PSAP: variants seen among roughly 807,000 people sequenced by gnomAD.
PSAP encodes the protein precursor of saposins.
In PSAP, 25 loss-of-function variants were observed where a neutral mutation model predicts 66.0. The observed-to-expected ratio is 0.38, with a 90% CI of 0.28 to 0.53. The LOEUF (loss-of-function observed/expected upper bound fraction) is 0.53, where lower values mean the gene tolerates loss of function less well. PSAP is among the 20% of genes least tolerant of loss of function. PSAP has a pLI of 0.83. For missense variants in PSAP, 649 were observed against 668.8 expected, an observed-to-expected ratio of 0.97 and a Z score of 0.33; for synonymous variants, 273 against 258.9, an observed-to-expected ratio of 1.05 and a Z score of -0.52.
At chr10:71,845,824 G>A (rs747533699) in intron 1 of PSAP, among the ~76,000 whole-genome samples, 11 of 152,180 alleles carry the variant, frequency 7.2e-5, no homozygotes, top group Non-Finnish European at 1.6e-4. Context: ...TCCCCTGGCA[G>A]CTAAACCTAG....
intron 1 of PSAP, among the ~76,000 whole-genome samples, chr10:71,846,635 G>A (rs12247599): frequency 0.034 from 5,175 of 150,736 alleles, 286 homozygotes; most frequent in African/African-American, 0.12. Flanking sequence ...GGGAGGCTGA[G>A]GTATGAGAAT....
chr10:71,843,077 T>A (rs1443247186), intron 1 of PSAP, among the ~76,000 whole-genome samples: 1 of 151,898 alleles, frequency 6.6e-6, no homozygotes, highest in Non-Finnish European at 1.5e-5. Context: ...CAGGTAGCGG[T>A]GAGTGCTACA....
rs1472097728 is a variant in PSAP, at chr10:71,819,488, G to A, written c.1327C>T (p.Leu443=). ...LAALEKGCSF[L]PDPYQKQCDQ... is the part of the protein sequence containing the mutation. ...ACCTGCTTCTGGTAAGGGTCTGGCA[G>A]GAAGCTGCAGCCTTTCTCAAGAGCA... is the stretch of plus-strand genomic sequence containing the variant. Residue 443 remains leucine (L), a synonymous_variant, in exon 11 of 14, where the codon CTG becomes TTG. Coordinates refer to ENST00000394936, the MANE Select transcript of PSAP (RefSeq NM_002778.4). 2 of 1,614,222 alleles carry A rather than the reference G, an allele frequency of 1.2e-6. No homozygotes were observed. The highest frequency in any genetic ancestry group is 2.2e-5 in the South Asian group (2 of 91,088).
chr10:71,835,027 G>A (rs1842594039), intron 1 of PSAP, among the ~76,000 whole-genome samples: 1 of 151,696 alleles, frequency 6.6e-6, no homozygotes, highest in South Asian at 2.1e-4. Context: ...ACGACGTCAG[G>A]AGATCAAGAC....
chr10:71,833,478 G>A (rs1284521700), intron 2 of PSAP, among the ~76,000 whole-genome samples: 1 of 152,158 alleles, frequency 6.6e-6, no homozygotes, highest in Non-Finnish European at 1.5e-5. Flanking sequence ...GGCAAGTATG[G>A]CCACAGAAGG....
intron 1 of PSAP, among the ~76,000 whole-genome samples, chr10:71,849,710 T>C (rs1223159530): frequency 6.6e-6 from 1 of 152,128 alleles, no homozygotes; most frequent in African/African-American, 2.4e-5. Context: ...GGTCTTGCTA[T>C]GTTGCCCAGG....
Position 71,819,527 on chromosome 10 carries a change from G to T in PSAP, c.1288C>A (p.Gln430Lys). The T allele has an allele frequency of 6.2e-7, 1 of 1,614,232 alleles. No homozygotes were observed. Among genetic ancestry groups the T allele is most frequent in the Non-Finnish European group, 8.5e-7 (1 of 1,180,042 alleles). ...DRNLEKNSTKQEILAALEKGC... is the reference protein window; with the variant it reads ...DRNLEKNSTKKEILAALEKGC... ...TTCTCAAGAGCAGCCAGGATCTCCTGCTTGGTGCTGTTTTTCTCCAGGTTG... is the reference window on the plus strand; with the variant it reads ...TTCTCAAGAGCAGCCAGGATCTCCTTCTTGGTGCTGTTTTTCTCCAGGTTG... The change falls in exon 11 of 14, where the codon CAG (glutamine) becomes AAG (lysine). Residue 430 changes from glutamine (Q) to lysine (K), a missense_variant. By Grantham distance (53) the Gln-to-Lys change is moderately conservative. Transcript: ENST00000394936.
intron 1 of PSAP, among the ~76,000 whole-genome samples, chr10:71,847,872 G>A (rs905578010): frequency 3.3e-5 from 5 of 152,152 alleles, no homozygotes; most frequent in African/African-American, 1.2e-4. Context: ...AAATTCACAT[G>A]TTATTGAAAG....
At chr10:71,835,507 G>A (rs1419084250) in intron 1 of PSAP, among the ~76,000 whole-genome samples, 3 of 149,750 alleles carry the variant, frequency 2.0e-5, no homozygotes, top group African/African-American at 4.9e-5. Context: ...AGGAGGCAGA[G>A]GTTGTAGTGA....
Position 71,816,706 on chromosome 10 carries a change from G to A in PSAP, c.*735C>T, listed in dbSNP as rs887911818. The A allele has an allele frequency of 1.1e-5, 3 of 280,394 alleles. No homozygotes were observed. The highest frequency in any genetic ancestry group is 8.2e-5 in the East Asian group (1 of 12,148). The allele number at this position is 280,394 out of a possible 1,614,324, so 17.4% of individuals were successfully genotyped here. Reference sequence around the variant, plus strand: ...CCACACGCTCACACAAGCCAGGCCCGCAGGGCCTTCGGAGAGCTAGCAGGT... The same window carrying A: ...CCACACGCTCACACAAGCCAGGCCCACAGGGCCTTCGGAGAGCTAGCAGGT... On this transcript the variant is annotated 3_prime_UTR_variant, in exon 14 of 14. Coordinates refer to ENST00000394936, the MANE Select transcript of PSAP (RefSeq NM_002778.4).
At chr10:71,829,841 T>C (rs990657850) in intron 4 of PSAP, among the ~76,000 whole-genome samples, 6 of 151,844 alleles carry the variant, frequency 4.0e-5, no homozygotes, top group African/African-American at 1.2e-4. Context: ...TCTACAAAAA[T>C]ACAAAAATTA....
At chr10:71,839,486 C>T (rs902849162) in intron 1 of PSAP, among the ~76,000 whole-genome samples, 9 of 152,172 alleles carry the variant, frequency 5.9e-5, no homozygotes, top group African/African-American at 2.2e-4. Context: ...GATCCACCCG[C>T]CTCGGCCTCC....
chr10:71,843,167 C>T (rs1368212131), intron 1 of PSAP, among the ~76,000 whole-genome samples: 1 of 151,996 alleles, frequency 6.6e-6, no homozygotes, highest in Non-Finnish European at 1.5e-5. Context: ...AGCAGGGACC[C>T]GAATGCACAG....
intron 1 of PSAP, 140 bp downstream of exon 1, chr10:71,851,032 AGAAAGCCAGC>A: frequency 1.1e-6 from 1 of 916,936 alleles, no homozygotes; most frequent in South Asian, 1.4e-5. Flanking sequence ...AGAAAGCCAG[AGAAAGCCAGC>A]GAACGCGCCT....
intron 1 of PSAP, among the ~76,000 whole-genome samples, chr10:71,844,327 G>A (rs1564826721): frequency 6.6e-6 from 1 of 152,200 alleles, no homozygotes; most frequent in Non-Finnish European, 1.5e-5. Flanking sequence ...GAAGCAGGCT[G>A]TAATAGAAAA....
rs1842305723 is a variant in PSAP at position 71,821,858 on chromosome 10, C to T, written c.909+18G>A. ...GCATTGCACAGCCCTGACCAGGACA[C>T]AAAGTGACACCAGGTACCTTAATGG... On this transcript the variant is annotated intron_variant, in intron 8 of 13. Coordinates refer to ENST00000394936, the MANE Select transcript of PSAP (RefSeq NM_002778.4). 7 of 1,614,016 alleles carry T rather than the reference C, an allele frequency of 4.3e-6. No homozygotes were observed. The highest frequency in any genetic ancestry group is 5.9e-6 in the Non-Finnish European group (7 of 1,180,002).
intron 6 of PSAP, among the ~76,000 whole-genome samples, 165 bp from the exon 7 acceptor site, chr10:71,826,058 T>C (rs190868371): frequency 6.6e-6 from 1 of 152,370 alleles, no homozygotes; most frequent in East Asian, 1.9e-4. Context: ...TTTAATAAGA[T>C]GAAAATGACA....
At chr10:71,827,315 C>T (rs190431942) in intron 6 of PSAP, among the ~76,000 whole-genome samples, 123 of 150,994 alleles carry the variant, frequency 8.1e-4, no homozygotes, top group Middle Eastern at 3.4e-3. Flanking sequence ...AGGAGAATGG[C>T]GTGAACCCGG....
chr10:71,819,120 G>C lies in PSAP; in HGVS notation c.1351-9C>G, dbSNP rs921514800. The C allele has an allele frequency of 3.1e-6, 5 of 1,612,706 alleles. No homozygotes were observed. Among genetic ancestry groups the C allele is most frequent in the South Asian group, 1.1e-5 (1 of 91,008 alleles). On this transcript the variant is annotated splice_polypyrimidine_tract_variant and intron_variant, in intron 11 of 13. Coordinates refer to ENST00000394936, the MANE Select transcript of PSAP (RefSeq NM_002778.4). ...GCCACAAACTGATCACACTATAAAGGAAAGTGGGGACACAGGTCCAGCTCT... is the reference window on the plus strand; with the variant it reads ...GCCACAAACTGATCACACTATAAAGCAAAGTGGGGACACAGGTCCAGCTCT...
Sources: allele counts gnomAD v4.1 joint callset (sites outside exome capture counted in the v4.1 genomes callset), GRCh38; gene constraint gnomAD v4.1.1; transcripts MANE v1.5; gene names NCBI Gene and HGNC (gene_info 2026-07-23, HGNC 2026-07-21).